ANAPC5: variants seen among roughly 807,000 people sequenced by gnomAD.
The protein encoded by ANAPC5 is anaphase promoting complex subunit 5, also known as anaphase-promoting complex subunit 5.
In ANAPC5, 60 loss-of-function variants were observed where a neutral mutation model predicts 91.3. The observed-to-expected ratio is 0.66, with a 90% confidence interval of 0.53 to 0.81. The LOEUF is 0.81. Ranked by LOEUF, ANAPC5 falls within the 40% of genes least tolerant of loss-of-function variation. The pLI is 0.00. For synonymous variants in ANAPC5, 340 were observed against 364.1 expected (o/e 0.93, Z 0.75); for missense variants, 690 against 931.5 (o/e 0.74, Z 3.37).
chr12:121,341,114 G>T (rs939800717), intron 5 of ANAPC5, among the ~76,000 whole-genome samples: 5 of 151,950 alleles, frequency 3.3e-5, no homozygotes, highest in Admixed American at 2.6e-4. Context: ...GGTGAGCTGA[G>T]ATTATGCCAC....
At chr12:121,335,313 C>T (rs1903188409) in intron 7 of ANAPC5, 3 of 319,718 alleles carry the variant, frequency 9.4e-6, no homozygotes, top group Non-Finnish European at 1.7e-5. Flanking sequence ...CTACAGGTGC[C>T]TGCCACCACA....
At position 121,347,741 on chromosome 12, in the gene ANAPC5, C is replaced by T. The variant is rs1437614980; in HGVS notation, c.287+61G>A. The T allele has an allele frequency of 9.1e-6, 12 of 1,320,892 alleles. No individual in the cohort carries two copies. The East Asian group carries it at 2.1e-4, about 23-fold the overall frequency. 81.8% of individuals were successfully genotyped at this position (1,320,892 alleles called of 1,614,324 possible). A position where few individuals can be genotyped will look rare whatever the true frequency, so the allele number is the denominator to read the frequency against. On this transcript the variant is annotated intron_variant, in intron 2 of 16. Coordinates refer to ENST00000261819, the MANE Select transcript of ANAPC5 (RefSeq NM_016237.5). Reference sequence around the variant, plus strand: ...TTAAAAGAATTAACTACCACATACCCTTTTGTGATTTTCATCTACCTTCAC... The same window carrying T: ...TTAAAAGAATTAACTACCACATACCTTTTTGTGATTTTCATCTACCTTCAC...
Position 121,345,991 on chromosome 12 carries a change from A to G in ANAPC5, c.438T>C (p.Leu146=). 6.2e-7 allele frequency: 1 copy of G among 1,611,318 alleles called. No individual in the cohort carries two copies. The highest frequency in any genetic ancestry group is 8.5e-7 in the Non-Finnish European group (1 of 1,179,292). ...LRHMILAYSK[L]SFSQVFKLYT... is the part of the protein sequence containing the mutation. ...ACAGTTTAAACACTTGGCTGAAAGA[A>G]AGCTTACTGTAGGCCAAGATCATGT... The change falls in exon 4 of 17, where the codon CTT becomes CTC. Residue 146 remains leucine, a synonymous_variant. Transcript: ENST00000261819.
At chr12:121,337,521 G>T (rs1364437292) in intron 5 of ANAPC5, 129 bp from the exon 6 acceptor site, 1 of 639,526 alleles carries the variant, frequency 1.6e-6, no homozygotes, top group Non-Finnish European at 2.6e-6. Context: ...CCCTCATCTC[G>T]CCAGCCTTGG....
intron 11 of ANAPC5, among the ~76,000 whole-genome samples, chr12:121,326,837 T>C (rs1902836932): frequency 6.6e-6 from 1 of 152,162 alleles, no homozygotes; most frequent in South Asian, 2.1e-4. Context: ...TGTCAAAGAA[T>C]CCTATTTATT....
At chr12:121,320,787 T>G (rs1318237656) in intron 11 of ANAPC5, 1 of 177,984 alleles carries the variant, frequency 5.6e-6, no homozygotes, top group Non-Finnish European at 1.2e-5. Context: ...GTATTTTTAG[T>G]AGAGACGGGG....
intron 7 of ANAPC5, chr12:121,331,649 C>A: frequency 5.8e-6 from 2 of 343,432 alleles, no homozygotes; most frequent in East Asian, 4.5e-5. Context: ...GGAATTGCTA[C>A]GAAAAGGGCA....
intron 1 of ANAPC5, among the ~76,000 whole-genome samples, chr12:121,350,747 CA>C: frequency 6.6e-6 from 1 of 151,312 alleles, no homozygotes; most frequent in Non-Finnish European, 1.5e-5. Context: ...ATTCATTTTA[CA>C]AAAAACTACT....
chr12:121,328,003 T>G lies in ANAPC5; in HGVS notation c.1304+313A>C, dbSNP rs1902888442. On this transcript the variant is annotated intron_variant, in intron 10 of 16. Transcript: ENST00000261819. ...ATGACGTGGGTTTGAGTCCTTTCTC[T>G]GTCACTTGTTAACTGCGTTTGCGAT... 2.1e-5 allele frequency: 5 copies of G among 236,622 alleles called. No homozygotes were observed. In the South Asian group the frequency reaches 3.9e-4, roughly 18 times the overall value. The allele number at this position is 236,622 out of a possible 1,614,324, so 14.7% of individuals were successfully genotyped here.
At chr12:121,336,125 T>C (rs1482233700) in intron 6 of ANAPC5, among the ~76,000 whole-genome samples, 3 of 152,166 alleles carry the variant, frequency 2.0e-5, no homozygotes, top group African/African-American at 7.2e-5. Flanking sequence ...ATGTACAAGT[T>C]AAAACACACT....
At chr12:121,315,001 A>AG (rs978928710) in intron 15 of ANAPC5, among the ~76,000 whole-genome samples, 1 of 152,156 alleles carries the variant, frequency 6.6e-6, no homozygotes, top group African/African-American at 2.4e-5. Flanking sequence ...AAAGAAATAC[A>AG]GGGCATCTAA....
At chr12:121,352,622 A>C (rs1482583478), upstream of ANAPC5, among the ~76,000 whole-genome samples, 6 of 144,348 alleles carry the variant, frequency 4.2e-5, no homozygotes, top group African/African-American at 1.5e-4. Flanking sequence ...GGCTACGTGG[A>C]CAGGGACCGG....
At chr12:121,333,191 C>T (rs1204789435) in intron 7 of ANAPC5, 2 of 152,090 alleles carry the variant, frequency 1.3e-5, no homozygotes, top group Non-Finnish European at 2.9e-5. Context: ...TGGCATGCAC[C>T]TGTAGTCCCA....
At chr12:121,308,883 T>C (rs953352067) in intron 16 of ANAPC5, among the ~76,000 whole-genome samples, 192 bp from the exon 17 acceptor site, 1 of 152,194 alleles carries the variant, frequency 6.6e-6, no homozygotes, top group African/African-American at 2.4e-5. Flanking sequence ...GCGAAGTGGC[T>C]CATGCCTGTA....
intron 2 of ANAPC5, chr12:121,347,358 G>A (rs1432643723): frequency 1.5e-5 from 4 of 268,894 alleles, no homozygotes; most frequent in Non-Finnish European, 2.8e-5. Flanking sequence ...AGCCAGGTGC[G>A]GTTGCTCACA....
chr12:121,346,985 C>A lies in ANAPC5; in HGVS notation c.308G>T (p.Gly103Val). Residue 103 changes from glycine (G) to valine (V), a missense_variant, in exon 3 of 17, where the codon GGC (glycine) becomes GTC (valine). Physicochemically the swap from Gly to Val is moderately radical, Grantham distance 109. Coordinates refer to ENST00000261819, the MANE Select transcript of ANAPC5 (RefSeq NM_016237.5). ...AAACTGTTCCATATCCTTCAACTCG[C>A]CTTCAGCCATCAGTTTGATTCTGAA... Reference protein sequence around the residue: ...VQIRIKLMAEGELKDMEQFFD... With the variant: ...VQIRIKLMAEVELKDMEQFFD... 6.2e-7 allele frequency: 1 copy of A among 1,609,694 alleles called. No individual in the cohort carries two copies. The highest frequency in any genetic ancestry group is 8.5e-7 in the Non-Finnish European group (1 of 1,178,784).
chr12:121,331,056 T>C (rs1317603802), intron 8 of ANAPC5: 1 of 410,122 alleles, frequency 2.4e-6, no homozygotes, highest in African/African-American at 2.0e-5. Context: ...AAGTGTAGTA[T>C]ACATCTTTTG....
In ANAPC5 at chr12:121,327,204, C is replaced by T. The variant is rs1555272366; in HGVS notation, c.1332G>A (p.Met444Ile). Residue 444 changes from methionine to isoleucine, a missense_variant, in exon 11 of 17, where the codon ATG becomes ATA. Around this residue, in one of 5 missense-constraint regions of ANAPC5, gnomAD observed 317 missense variants for 438.7 expected, o/e 0.72. Coordinates refer to ENST00000261819, the MANE Select transcript of ANAPC5 (RefSeq NM_016237.5). ...CCTCCAGGCTGTTCATGCTCAGCAACATCTGGGCCTGTTGCAGTGCCATGG... is the reference window on the plus strand; with the variant it reads ...CCTCCAGGCTGTTCATGCTCAGCAATATCTGGGCCTGTTGCAGTGCCATGG... ...RSTMALQQAQ[M>I]LLSMNSLEAV... 3.1e-6 allele frequency: 5 copies of T among 1,613,368 alleles called. No individual in the cohort carries two copies. Among genetic ancestry groups the T allele is most frequent in the African/African-American group, 1.3e-5 (1 of 74,930 alleles).
At chr12:121,314,487 T>C (rs1215341345) in intron 15 of ANAPC5, among the ~76,000 whole-genome samples, 1 of 152,032 alleles carries the variant, frequency 6.6e-6, no homozygotes, top group Non-Finnish European at 1.5e-5. Flanking sequence ...TCCAATACCT[T>C]TTCATGAAAA....
Sources: gnomAD v4.1 joint callset for allele counts (sites outside exome capture counted in the v4.1 genomes callset) on GRCh38, gnomAD v4.1.1 for gene constraint, gnomAD v4.1.1 regional missense constraint, MANE v1.5 for transcripts, NCBI Gene and HGNC (gene_info 2026-07-23, HGNC 2026-07-21) for gene names.